The following CYP2W1 variants were observed in gnomAD, a reference collection of about 807,000 sequenced individuals.
CYP2W1 encodes the protein cytochrome P450 2W1.
A neutral mutation model predicts 44.9 loss-of-function variants in CYP2W1; 51 were observed. The ratio of observed to expected loss-of-function variants is 1.14; its 90% CI spans 0.91 to 1.43. The LOEUF (loss-of-function observed/expected upper bound fraction) is 1.43, where lower values mean the gene tolerates loss of function less well. Among genes scored for constraint, CYP2W1 ranks in the 40% most tolerant of loss-of-function variants. CYP2W1 has a pLI of 0.00. For synonymous variants in CYP2W1, 383 were observed against 338.3 expected, an observed-to-expected ratio of 1.13 and a Z score of -1.45; for missense variants, 746 against 700.0, an observed-to-expected ratio of 1.07 and a Z score of -0.74.
intron 4 of CYP2W1, 121 bp downstream of exon 4, chr7:985,444 G>A: frequency 1.7e-6 from 2 of 1,148,974 alleles, no homozygotes; most frequent in Non-Finnish European, 2.4e-6. Flanking sequence ...CCTTGCAAAA[G>A]GAATCAGATG....
chr7:983,959 CG>C (rs1290882582), intron 1 of CYP2W1, among the ~76,000 whole-genome samples: 2 of 152,148 alleles, frequency 1.3e-5, no homozygotes, highest in Non-Finnish European at 2.9e-5. Context: ...CAGTCAGGCC[CG>C]GGCCCTGCCT....
intron 8 of CYP2W1, 61 bp downstream of exon 8, chr7:988,479 C>A (rs1378500264): frequency 6.9e-6 from 11 of 1,603,976 alleles, no homozygotes; most frequent in South Asian, 2.2e-5. Flanking sequence ...GTGGGACGGC[C>A]CCAGCTCCGC....
rs546003485 is a variant in CYP2W1 at position 988,946 on chromosome 7, C to A, written c.*124C>A. On this transcript the variant is annotated 3_prime_UTR_variant, in exon 9 of 9. Coordinates refer to ENST00000308919, the MANE Select transcript of CYP2W1 (RefSeq NM_017781.3). ...AGGGCCCTGAGGACTCCCACCCTCA[C>A]CCCCACCCCCACAGGGTCAGCAACT... The A allele has an allele frequency of 2.5e-5, 16 of 633,462 alleles. No homozygotes were observed. Among genetic ancestry groups the A allele is most frequent in the South Asian group, 1.4e-4 (7 of 49,784 alleles). The allele number at this position is 633,462 out of a possible 1,614,324, so 39.2% of individuals were successfully genotyped here.
rs929270125 is a variant in CYP2W1 at position 989,083 on chromosome 7, G to A, written c.*261G>A. 1.4e-4 allele frequency: 62 copies of A among 444,226 alleles called. No homozygotes were observed. The highest frequency in any genetic ancestry group is 2.1e-4 in the Non-Finnish European group (53 of 252,106). 27.5% of individuals were successfully genotyped at this position (444,226 alleles called of 1,614,324 possible). The stretch of plus-strand genomic sequence containing the variant: ...CCCCCAGGAGCGCCTCCAGGGCCCC[G>A]CCCACTCTCCCACCCCTGAAGCTGC... On this transcript the variant is annotated 3_prime_UTR_variant, in exon 9 of 9. Transcript: ENST00000308919.
At chr7:987,658 A>G in intron 7 of CYP2W1, 127 bp downstream of exon 7, 1 of 950,100 alleles carries the variant, frequency 1.1e-6, no homozygotes, top group Admixed American at 2.9e-5. Flanking sequence ...ACCGGAGGCA[A>G]TAAAGGGCGT....
intron 7 of CYP2W1, among the ~76,000 whole-genome samples, chr7:987,831 G>C (rs1459684977): frequency 6.6e-6 from 1 of 150,824 alleles, no homozygotes; most frequent in African/African-American, 2.5e-5. Context: ...TGTCCTGGGG[G>C]TCCCCTCTGT....
chr7:983,598 C>A (rs116126791), intron 1 of CYP2W1, among the ~76,000 whole-genome samples: 3 of 152,206 alleles, frequency 2.0e-5, no homozygotes, highest in African/African-American at 7.2e-5. Context: ...ACGAAGAAGC[C>A]CTGGAGGTGC....
chr7:986,401 G>A (rs1848346146), intron 4 of CYP2W1: 2 of 590,910 alleles, frequency 3.4e-6, no homozygotes, highest in Non-Finnish European at 6.0e-6. Context: ...GTCCTGCTGT[G>A]CAAACCTGCC....
At position 985,232 on chromosome 7, in the gene CYP2W1, G is replaced by C; in HGVS notation, c.554G>C (p.Gly185Ala). 1 of 1,553,156 alleles carries C rather than the reference G, an allele frequency of 6.4e-7. No individual in the cohort carries two copies. Among genetic ancestry groups the C allele is most frequent in the Non-Finnish European group, 8.7e-7 (1 of 1,148,320 alleles). Residue 185 changes from glycine to alanine, a missense_variant, in exon 4 of 9, where the codon GGC becomes GCC. Transcript: ENST00000308919. ...PSNITFALLF[G>A]RRFDYRDPVF... ...AATATCACCTTCGCGCTCCTCTTCGGCCGCCGATTTGACTACCGGGACCCC... is the reference window on the plus strand; with the variant it reads ...AATATCACCTTCGCGCTCCTCTTCGCCCGCCGATTTGACTACCGGGACCCC...
At chr7:987,903 CTG>C (rs1260614270) in intron 7 of CYP2W1, among the ~76,000 whole-genome samples, 1 of 144,942 alleles carries the variant, frequency 6.9e-6, no homozygotes. Flanking sequence ...GGGGTCCCCT[CTG>C]TGTGTCCTGG....
chr7:984,389 G>C, intron 1 of CYP2W1, 23 bp from the exon 2 acceptor site: 1 of 1,543,756 alleles, frequency 6.5e-7, no homozygotes, highest in Middle Eastern at 1.7e-4. Flanking sequence ...GGCTGCCCGG[G>C]TGACCCCCGC....
intron 1 of CYP2W1, among the ~76,000 whole-genome samples, chr7:984,115 G>T (rs1298662346): frequency 6.6e-6 from 1 of 152,224 alleles, no homozygotes; most frequent in Non-Finnish European, 1.5e-5. Context: ...CAGACAGCCA[G>T]CCCCCGACCT....
At chr7:984,009 G>A (rs983821927) in intron 1 of CYP2W1, among the ~76,000 whole-genome samples, 7 of 152,268 alleles carry the variant, frequency 4.6e-5, no homozygotes, top group Admixed American at 1.3e-4. Flanking sequence ...GCTGCTGGCC[G>A]GGCTGTAGCC....
rs1434618938 is a variant in CYP2W1, at chr7:989,171, C to T, written c.*349C>T. The stretch of plus-strand genomic sequence containing the variant: ...ACCTACAGCTGGGGCTGCAGGGAGA[C>T]AACGGGTGGCTGCATCCAGCCAGAG... On this transcript the variant is annotated 3_prime_UTR_variant, in exon 9 of 9. Coordinates refer to ENST00000308919, the MANE Select transcript of CYP2W1 (RefSeq NM_017781.3). The T allele has an allele frequency of 1.9e-5, 6 of 310,986 alleles. No individual in the cohort carries two copies. The highest frequency in any genetic ancestry group is 1.1e-4 in the African/African-American group (5 of 46,976). The allele number at this position is 310,986 out of a possible 1,614,324, so 19.3% of individuals were successfully genotyped here.
In CYP2W1 at chr7:983,335, G is replaced by A. The variant is rs777039804; in HGVS notation, c.124G>A (p.Gly42Arg). The change falls in exon 1 of 9, where the codon GGG (glycine) becomes AGG (arginine). Residue 42 changes from glycine to arginine, a missense_variant. Physicochemically the swap from Gly to Arg is moderately radical, Grantham distance 125. Transcript: ENST00000308919. The part of the protein sequence containing the change: ...PPGPRPLPLV[G>R]NLHLLRLSQQ... Reference sequence around the variant, plus strand: ...GGGGCCTCGCCCGCTGCCGCTCGTCGGGAACCTGCACTTGCTGCGTCTGTC... The same window carrying A: ...GGGGCCTCGCCCGCTGCCGCTCGTCAGGAACCTGCACTTGCTGCGTCTGTC... The A allele has an allele frequency of 1.8e-5, 27 of 1,539,084 alleles. No homozygotes were observed. In the South Asian group the frequency reaches 2.4e-4, roughly 14 times the overall value.
chr7:984,715 C>T (rs1357629952), intron 2 of CYP2W1, 141 bp downstream of exon 2: 2 of 1,279,022 alleles, frequency 1.6e-6, no homozygotes, highest in Non-Finnish European at 2.1e-6. Flanking sequence ...CGGGCTGGTG[C>T]TGAGAAGGGC....
intron 5 of CYP2W1, 30 bp downstream of exon 5, chr7:986,827 G>C: frequency 6.7e-7 from 1 of 1,493,922 alleles, no homozygotes; most frequent in Non-Finnish European, 8.9e-7. Context: ...CTCCTTGAAG[G>C]CCTGTAGGGG....
chr7:985,410 C>T (rs1165476614), intron 4 of CYP2W1, 87 bp downstream of exon 4: 3 of 1,403,848 alleles, frequency 2.1e-6, no homozygotes, highest in Non-Finnish European at 9.6e-7. Flanking sequence ...AGTGCTGTCC[C>T]CTCTCAGCTT....
intron 4 of CYP2W1, 27 bp from the exon 5 acceptor site, chr7:986,597 T>C (rs1848367131): frequency 1.2e-6 from 2 of 1,611,298 alleles, no homozygotes; most frequent in East Asian, 4.5e-5. Context: ...TGCGTCCTTA[T>C]CTCCGCTCCT....
Sources: allele counts gnomAD v4.1 joint callset (sites outside exome capture counted in the v4.1 genomes callset), GRCh38; gene constraint gnomAD v4.1.1; transcripts MANE v1.5; gene names NCBI Gene and HGNC (gene_info 2026-07-23, HGNC 2026-07-21).